The following KPLCE variants were observed in gnomAD, a reference collection of about 807,000 sequenced individuals.
KPLCE encodes the protein KPRP N-terminal and LCE C-terminal like protein.
the KPLCE span, chr1:152,720,386 G>T: frequency 1.1e-6 from 1 of 924,198 alleles, no homozygotes; most frequent in South Asian, 1.8e-5. Context: ...TCATCACTTT[G>T]CCTCTGTGCT....
the KPLCE span, chr1:152,720,047 C>T: frequency 1.7e-5 from 26 of 1,551,742 alleles, no homozygotes; most frequent in Admixed American, 2.0e-4. Flanking sequence ...TCTGGCTCCC[C>T]GGACCTTCGG....
chr1:152,719,822 A>G, the KPLCE span: 1 of 1,550,834 alleles, frequency 6.4e-7, no homozygotes, highest in Non-Finnish European at 8.7e-7. Flanking sequence ...AACCTATGTA[A>G]AATGCCCAAC....
At chr1:152,719,526 G>A in the KPLCE span, 3 of 1,551,146 alleles carry the variant, frequency 1.9e-6, no homozygotes, top group East Asian at 4.9e-5. Context: ...AGAACAATGT[G>A]TGACCAGCAG....
At chr1:152,720,192 C>G in the KPLCE span, 1 of 1,551,738 alleles carries the variant, frequency 6.4e-7, no homozygotes, top group Non-Finnish European at 8.7e-7. Flanking sequence ...TGTGGCAGCT[C>G]TGGGTGCTGC....
At chr1:152,719,931 C>T in the KPLCE span, 6 of 1,552,056 alleles carry the variant, frequency 3.9e-6, no homozygotes, top group African/African-American at 8.2e-5. Flanking sequence ...GTCCAGGGTG[C>T]TTCTCCTTGC....
the KPLCE span, chr1:152,720,417 C>G: frequency 1.4e-6 from 1 of 705,220 alleles, no homozygotes; most frequent in Admixed American, 2.9e-5. Flanking sequence ...ACCAAGGCAG[C>G]CTGCCAGAGT....
At chr1:152,720,135 G>A in the KPLCE span, 1 of 1,551,582 alleles carries the variant, frequency 6.4e-7, no homozygotes, top group African/African-American at 1.4e-5. Context: ...GAGAATTCGG[G>A]AAGCTCTGGA....
chr1:152,720,116 G>A, the KPLCE span: 2 of 1,551,732 alleles, frequency 1.3e-6, no homozygotes, highest in Admixed American at 3.9e-5. Flanking sequence ...AGGATCATCT[G>A]GCTGCTGTGA....
chr1:152,720,154 T>C, the KPLCE span: 4 of 1,551,568 alleles, frequency 2.6e-6, no homozygotes, highest in Non-Finnish European at 3.5e-6. Context: ...GATGCTGTGG[T>C]TCTGGGGGCT....
the KPLCE span, chr1:152,719,769 C>T: frequency 1.9e-6 from 3 of 1,552,028 alleles, no homozygotes; most frequent in Middle Eastern, 1.7e-4. Flanking sequence ...AAATACCCAA[C>T]ACCCTGCCAA....
At chr1:152,720,280 C>A in the KPLCE span, 13 of 1,533,956 alleles carry the variant, frequency 8.5e-6, no homozygotes, top group Non-Finnish European at 1.1e-5. Flanking sequence ...GCTAAACATA[C>A]GACAGCTCAA....
At chr1:152,719,723 G>A in the KPLCE span, 20 of 1,551,920 alleles carry the variant, frequency 1.3e-5, no homozygotes, top group East Asian at 2.4e-5. Context: ...TCAAACCTAC[G>A]TGAAGTGCCC....
chr1:152,720,177 G>A, the KPLCE span: 12 of 1,551,652 alleles, frequency 7.7e-6, no homozygotes, highest in Non-Finnish European at 1.0e-5. Flanking sequence ...GGCTGCAGCT[G>A]TGGATGTGGC....
chr1:152,719,552 C>T, the KPLCE span: 1 of 1,551,720 alleles, frequency 6.4e-7, no homozygotes, highest in Non-Finnish European at 8.7e-7. Flanking sequence ...GCCACAGTTC[C>T]CTCCATCTTG....
the KPLCE span, chr1:152,720,213 T>C: frequency 6.4e-7 from 1 of 1,551,650 alleles, no homozygotes; most frequent in South Asian, 1.2e-5. Flanking sequence ...TGTTTGGGAA[T>C]TATCCCCATG....
At chr1:152,719,890 T>A in the KPLCE span, 1 of 1,552,078 alleles carries the variant, frequency 6.4e-7, no homozygotes, top group African/African-American at 1.4e-5. Context: ...ACATCAAAAG[T>A]CCAGCTCCCT....
chr1:152,719,566 G>A, the KPLCE span: 1 of 1,551,810 alleles, frequency 6.4e-7, no homozygotes, highest in Non-Finnish European at 8.7e-7. Context: ...CATCTTGTGT[G>A]AAAGGTTCGG....
chr1:152,719,722 C>A, the KPLCE span: 3 of 1,552,180 alleles, frequency 1.9e-6, no homozygotes, highest in Non-Finnish European at 2.6e-6. Flanking sequence ...CTCAAACCTA[C>A]GTGAAGTGCC....
At chr1:152,719,657 G>A in the KPLCE span, 1 of 1,552,252 alleles carries the variant, frequency 6.4e-7, no homozygotes, top group Non-Finnish European at 8.7e-7. Flanking sequence ...CTGTGTGACA[G>A]GCCCTGCTCC....
Sources: gnomAD v4.1 joint callset for allele counts on GRCh38, gnomAD v4.1.1 for gene constraint, MANE v1.5 for transcripts, NCBI Gene and HGNC (gene_info 2026-07-23, HGNC 2026-07-21) for gene names.